The following ELSPBP1 variants were observed in gnomAD, a reference collection of about 807,000 sequenced individuals.
ELSPBP1 encodes epididymal sperm-binding protein 1.
A neutral mutation model predicts 33.3 loss-of-function variants in ELSPBP1; 38 were observed. That is an observed-to-expected ratio of 1.14 (90% CI 0.88 to 1.50). The LOEUF is 1.50. Among genes scored for constraint, ELSPBP1 ranks in the 40% most tolerant of loss-of-function variants. The probability of loss-of-function intolerance (pLI) is 0.00; values close to 1 mark genes in which losing one functional copy is unlikely to be tolerated. For synonymous variants in ELSPBP1, 85 were observed against 94.1 expected (o/e 0.90, Z 0.56); for missense variants, 267 against 263.5 (o/e 1.01, Z -0.09).
chr19:48,017,922 G>T (rs1183481545), intron 4 of ELSPBP1, among the ~76,000 whole-genome samples: 2 of 142,944 alleles, frequency 1.4e-5, no homozygotes, highest in Non-Finnish European at 3.1e-5. Context: ...AAAAAAAAAG[G>T]AGGAAAAGAA....
At chr19:47,996,802 CAAAAGT>C (rs751824676) in intron 1 of ELSPBP1, among the ~76,000 whole-genome samples, 50 of 152,138 alleles carry the variant, frequency 3.3e-4, no homozygotes, top group Non-Finnish European at 4.6e-4. Flanking sequence ...CAATAAATAA[CAAAAGT>C]AAAAGAAGAG....
chr19:47,999,435 C>T (rs141637150), intron 1 of ELSPBP1, among the ~76,000 whole-genome samples: 3,268 of 144,126 alleles, frequency 0.023, 81 homozygotes, highest in Middle Eastern at 0.033. Flanking sequence ...GCCACCCAGG[C>T]TGGAATGCAG....
At chr19:48,022,449 C>A in intron 6 of ELSPBP1, 115 bp downstream of exon 6, 1 of 965,234 alleles carries the variant, frequency 1.0e-6, no homozygotes, top group Non-Finnish European at 1.5e-6. Flanking sequence ...GTCTGATTAG[C>A]GTCGCTGATG....
At chr19:48,023,126 A>G (rs10419541) in intron 6 of ELSPBP1, among the ~76,000 whole-genome samples, 75,415 of 144,272 alleles carry the variant, frequency 0.52, 20,046 homozygotes, top group East Asian at 0.79. Flanking sequence ...AGGGAGGAAA[A>G]GAGAGAGGAA....
chr19:48,000,234 C>T (rs996144156), intron 1 of ELSPBP1, among the ~76,000 whole-genome samples: 3 of 140,950 alleles, frequency 2.1e-5, no homozygotes, highest in African/African-American at 5.3e-5. Context: ...AAATCCTGCC[C>T]CCTCCCCCAT....
At chr19:48,008,445 G>C (rs1967044375) in intron 1 of ELSPBP1, among the ~76,000 whole-genome samples, 1 of 152,108 alleles carries the variant, frequency 6.6e-6, no homozygotes, top group Non-Finnish European at 1.5e-5. Flanking sequence ...ATGTTGTCCA[G>C]GCTGGTCTTG....
chr19:48,005,641 A>AAACAATACTATATG (rs1234410384), intron 1 of ELSPBP1, among the ~76,000 whole-genome samples: 36 of 152,338 alleles, frequency 2.4e-4, no homozygotes, highest in African/African-American at 8.7e-4. Flanking sequence ...CTCAGAAGTG[A>AAACAATACTATATG]AACAATACTA....
chr19:47,996,098 CCA>C (rs1241427968), intron 1 of ELSPBP1, among the ~76,000 whole-genome samples: 1 of 152,128 alleles, frequency 6.6e-6, no homozygotes, highest in African/African-American at 2.4e-5. Context: ...TTGGTACCCA[CCA>C]CATTTCCTTA....
intron 1 of ELSPBP1, among the ~76,000 whole-genome samples, chr19:48,004,472 C>T (rs550667502): frequency 4.5e-4 from 68 of 152,226 alleles, no homozygotes; most frequent in African/African-American, 1.6e-3. Context: ...CTTAGCCATG[C>T]GGGTCCCACT....
Position 48,014,313 on chromosome 19 carries a change from G to A in ELSPBP1, c.208+5G>A. 1 of 1,613,198 alleles carries A rather than the reference G, an allele frequency of 6.2e-7. No individual in the cohort carries two copies. The highest frequency in any genetic ancestry group is 8.5e-7 in the Non-Finnish European group (1 of 1,179,852). ...GGAAGTACTGCCAGAGTGAAGGTGA[G>A]TGGTATCACATTGTCCCTGCCAGTG... is the stretch of plus-strand genomic sequence containing the variant. On this transcript the variant is annotated splice_donor_5th_base_variant and intron_variant, in intron 3 of 6. Transcript: ENST00000339841.
chr19:47,999,024 TCAG>T (rs991725982), intron 1 of ELSPBP1, among the ~76,000 whole-genome samples: 1 of 152,128 alleles, frequency 6.6e-6, no homozygotes, highest in African/African-American at 2.4e-5. Flanking sequence ...GTTTCCCACA[TCAG>T]CAGCTTTGCC....
At chr19:48,000,683 T>C (rs1966958795) in intron 1 of ELSPBP1, among the ~76,000 whole-genome samples, 1 of 152,116 alleles carries the variant, frequency 6.6e-6, no homozygotes, top group African/African-American at 2.4e-5. Context: ...TACGTATTTC[T>C]CCATTGTGGA....
At chr19:48,006,384 C>T (rs554097729) in intron 1 of ELSPBP1, among the ~76,000 whole-genome samples, 64 of 152,032 alleles carry the variant, frequency 4.2e-4, no homozygotes, top group African/African-American at 1.1e-3. Flanking sequence ...GAGGCCGAGG[C>T]GGGTGGATCA....
chr19:48,009,136 C>CA (rs59636614), intron 2 of ELSPBP1, among the ~76,000 whole-genome samples: 4,599 of 136,326 alleles, frequency 0.034, 117 homozygotes, highest in African/African-American at 0.073. Context: ...AACTCCCTCT[C>CA]AAAAAAAAAA....
intron 5 of ELSPBP1, among the ~76,000 whole-genome samples, chr19:48,020,249 T>A (rs1335846966): frequency 1.3e-5 from 2 of 152,082 alleles, no homozygotes; most frequent in Non-Finnish European, 2.9e-5. Flanking sequence ...CCTGGGAGGT[T>A]GAGGCTGCAG....
intron 1 of ELSPBP1, among the ~76,000 whole-genome samples, chr19:48,005,751 A>G (rs968557893): frequency 5.9e-5 from 9 of 152,308 alleles, no homozygotes; most frequent in East Asian, 5.8e-4. Flanking sequence ...TAAGAGCTCA[A>G]TTACTCTGAA....
rs1001482876 is a variant in ELSPBP1, at chr19:48,011,100, C to A, written c.70+2363C>A. Reference sequence around the variant, plus strand: ...GTAATGATGACAACAATAATAGCGACAATGACAATGATGATGGTGACAGTG... The same window carrying A: ...GTAATGATGACAACAATAATAGCGAAAATGACAATGATGATGGTGACAGTG... On this transcript the variant is annotated intron_variant, in intron 2 of 6. Coordinates refer to ENST00000339841, the MANE Select transcript of ELSPBP1 (RefSeq NM_022142.5). The surrounding 1 kb of genome is among the most constrained non-coding windows in gnomAD (Gnocchi z 4.5). 6.6e-6 allele frequency among the ~76,000 whole-genome samples: 1 copy of A among 151,602 alleles called. No individual in the cohort carries two copies. The highest frequency in any genetic ancestry group is 2.4e-5 in the African/African-American group (1 of 41,188).
chr19:48,003,703 A>AT (rs35103928), intron 1 of ELSPBP1, among the ~76,000 whole-genome samples: 20,545 of 141,668 alleles, frequency 0.15, 1,661 homozygotes, highest in Admixed American at 0.24. Context: ...CGCCCAGCTA[A>AT]TTTTTTTTTT....
chr19:47,996,353 G>A (rs576714355), intron 1 of ELSPBP1, among the ~76,000 whole-genome samples: 4 of 152,260 alleles, frequency 2.6e-5, no homozygotes, highest in East Asian at 3.9e-4. Flanking sequence ...ATGGATGGTG[G>A]GTTTCTTAAA....
Sources: allele counts gnomAD v4.1 joint callset (sites outside exome capture counted in the v4.1 genomes callset), GRCh38; gene constraint gnomAD v4.1.1; non-coding constraint Gnocchi (gnomAD v3.1); transcripts MANE v1.5; gene names NCBI Gene and HGNC (gene_info 2026-07-23, HGNC 2026-07-21).